Variants in C4orf50 observed in about 807,000 individuals in gnomAD.
C4orf50 encodes chromosome 4 open reading frame 50.
Under a neutral mutation model 77.2 loss-of-function variants are expected in C4orf50, and 80 were observed. The observed-to-expected ratio is 1.04, with a 90% confidence interval of 0.87 to 1.25. C4orf50 has a LOEUF of 1.25. C4orf50 is among the 50% of genes most tolerant of loss of function. The pLI is 0.00. For missense variants in C4orf50, 1,257 were observed against 1,152.9 expected, an observed-to-expected ratio of 1.09 and a Z score of -1.31; for synonymous variants, 532 against 465.3, an observed-to-expected ratio of 1.14 and a Z score of -1.84.
At chr4:5,911,848 C>G (rs1319190187) in intron 7 of C4orf50, among the ~76,000 whole-genome samples, 1 of 152,164 alleles carries the variant, frequency 6.6e-6, no homozygotes, top group Non-Finnish European at 1.5e-5. Flanking sequence ...GAGATCGAGA[C>G]CATCCTGGCC....
chr4:5,926,670 C>G (rs1189113277), intron 7 of C4orf50, among the ~76,000 whole-genome samples: 2 of 151,906 alleles, frequency 1.3e-5, no homozygotes, highest in Admixed American at 6.6e-5. Flanking sequence ...CCTGTGTCCC[C>G]GGGCCCACAG....
chr4:6,009,626 G>A lies in C4orf50; in HGVS notation c.427-1094C>T, dbSNP rs1280903754. On this transcript the variant is annotated intron_variant, in intron 24 of 33. Transcript: ENST00000531445. This position sits in a 1 kb window ranked among gnomAD's most constrained non-coding sequence, Gnocchi z 5.6. ...GCCTTTGACAGCTTTCAGAATGACCGCAGGTCACTACAGAAACGAGGCATC... is the reference window on the plus strand; with the variant it reads ...GCCTTTGACAGCTTTCAGAATGACCACAGGTCACTACAGAAACGAGGCATC... Among the ~76,000 whole-genome samples the A allele has an allele frequency of 5.3e-5, 8 of 152,292 alleles. No individual in the cohort carries two copies. The South Asian group carries it at 8.3e-4, about 16-fold the overall frequency.
Position 6,004,305 on chromosome 4 carries a change from TGGTGATGATGTGATCGTAATG to T in C4orf50, c.963+3670_963+3690del, listed in dbSNP as rs1472230294. On this transcript the variant is annotated intron_variant, in intron 25 of 33. Transcript: ENST00000531445. ...GTGATGTTGGTGATGATGGTGATGG[TGGTGATGATGTGATCGTAATG>T]GTGATGATGGTGATGGTGATGATGA... 1.2e-3 allele frequency among the ~76,000 whole-genome samples: 78 copies of T among 63,028 alleles called. 6 individuals carry two copies. The highest frequency in any genetic ancestry group is 5.5e-3 in the South Asian group (6 of 1,100). The allele number at this position is 63,028 out of a possible 152,430, so 41.3% of individuals were successfully genotyped here.
chr4:5,945,995 A>G (rs574756950), intron 7 of C4orf50, among the ~76,000 whole-genome samples: 3 of 152,282 alleles, frequency 2.0e-5, no homozygotes, highest in African/African-American at 7.2e-5. Flanking sequence ...AAGGGAGGAG[A>G]GAAGGCTCTA....
chr4:5,909,338 C>T (rs115852487), intron 7 of C4orf50, among the ~76,000 whole-genome samples: 1 of 152,252 alleles, frequency 6.6e-6, no homozygotes, highest in Non-Finnish European at 1.5e-5. Context: ...AGATATTTTG[C>T]CCATTTTAAA....
chr4:6,014,290 C>T (rs1165141070), intron 23 of C4orf50, among the ~76,000 whole-genome samples: 1 of 152,144 alleles, frequency 6.6e-6, no homozygotes, highest in African/African-American at 2.4e-5. Context: ...ACGCGAGCAA[C>T]CGGGCCGGCC....
chr4:5,994,000 C>T (rs1721438421), intron 26 of C4orf50, among the ~76,000 whole-genome samples: 1 of 152,180 alleles, frequency 6.6e-6, no homozygotes, highest in African/African-American at 2.4e-5. Flanking sequence ...GACAGGACGG[C>T]TCCTGGCCAT....
Position 5,901,503 on chromosome 4 carries a change from G to A in C4orf50, c.*2475-3315C>T, listed in dbSNP as rs2152479683. On this transcript the variant is annotated intron_variant, in intron 7 of 7. Coordinates refer to the C4orf50 transcript ENST00000324058. The surrounding 1 kb of genome is among the most constrained non-coding windows in gnomAD (Gnocchi z 4.4). ...CCCTAACCTGTTTCTCCTACATCGG[G>A]TGGTCTCTGTCATCTCTCTAGAAGA... 6.6e-6 allele frequency: 1 copy of A among 152,338 alleles called. No homozygotes were observed. Among genetic ancestry groups the A allele is most frequent in the Non-Finnish European group, 1.5e-5 (1 of 68,036 alleles). 9.4% of individuals were successfully genotyped at this position (152,338 alleles called of 1,614,324 possible).
At chr4:5,991,427 G>A (rs1721290054) in intron 27 of C4orf50, among the ~76,000 whole-genome samples, 1 of 152,210 alleles carries the variant, frequency 6.6e-6, no homozygotes, top group Admixed American at 6.5e-5. Context: ...CTGAGGACAG[G>A]ACTTCATCTT....
chr4:5,979,064 G>A (rs936248595), intron 29 of C4orf50, among the ~76,000 whole-genome samples: 4 of 152,176 alleles, frequency 2.6e-5, no homozygotes, highest in East Asian at 3.8e-4. Context: ...TCAGGATAAC[G>A]AGTTATGGGC....
chr4:5,966,322 A>G (rs1408538127), intron 32 of C4orf50, among the ~76,000 whole-genome samples: 1 of 152,022 alleles, frequency 6.6e-6, no homozygotes, highest in Admixed American at 6.5e-5. Flanking sequence ...CAAAAATACA[A>G]AAATTAGCCA....
At position 6,007,984 on chromosome 4, in the gene C4orf50, C is replaced by G. The variant is rs1387283677; in HGVS notation, c.963+12G>C. ...CAAAAGATCATTCCTACCCTGAGTT[C>G]CCGCCACTTACCAGGCTGCAGTGAC... On this transcript the variant is annotated intron_variant, in intron 25 of 33. Coordinates refer to ENST00000531445, the Ensembl canonical transcript of C4orf50. The surrounding 1 kb of genome is among the most constrained non-coding windows in gnomAD (Gnocchi z 4.1). 2 of 399,104 alleles carry G rather than the reference C, an allele frequency of 5.0e-6. No individual in the cohort carries two copies. The highest frequency in any genetic ancestry group is 4.1e-5 in the African/African-American group (2 of 48,768). The allele number at this position is 399,104 out of a possible 1,614,324, so 24.7% of individuals were successfully genotyped here.
chr4:6,000,691 A>C lies in C4orf50; in HGVS notation c.964-6215T>G, dbSNP rs1411523080. 1.3e-5 allele frequency among the ~76,000 whole-genome samples: 2 copies of C among 152,082 alleles called. No homozygotes were observed. Among genetic ancestry groups the C allele is most frequent in the Non-Finnish European group, 2.9e-5 (2 of 68,034 alleles). On this transcript the variant is annotated intron_variant, in intron 25 of 33. Transcript: ENST00000531445. The surrounding 1 kb of genome is among the most constrained non-coding windows in gnomAD (Gnocchi z 6.0). The stretch of plus-strand genomic sequence containing the variant: ...GGGGCAGGGTCTTGTCTCACTCCCC[A>C]GCCCCTGTACTGAGCTCAGACTGGA...
rs1716671980 is a variant in C4orf50 at position 5,908,951 on chromosome 4, A to C, written c.*2475-10763T>G. Reference sequence around the variant, plus strand: ...CACTCCCCTGAATGGCCATTGTCCCAGCCCAGTCCATGACTGCCTCTTAGC... The same window carrying C: ...CACTCCCCTGAATGGCCATTGTCCCCGCCCAGTCCATGACTGCCTCTTAGC... On this transcript the variant is annotated intron_variant, in intron 7 of 7. Transcript: ENST00000324058. The surrounding 1 kb of genome is among the most constrained non-coding windows in gnomAD (Gnocchi z 5.6). Among the ~76,000 whole-genome samples the C allele has an allele frequency of 6.6e-6, 1 of 152,208 alleles. No homozygotes were observed. Among genetic ancestry groups the C allele is most frequent in the Non-Finnish European group, 1.5e-5 (1 of 68,028 alleles).
intron 32 of C4orf50, among the ~76,000 whole-genome samples, chr4:5,966,045 G>A (rs574670163): frequency 7.2e-5 from 11 of 152,318 alleles, no homozygotes; most frequent in Admixed American, 3.3e-4. Context: ...CCGCCCCCAC[G>A]CTGAGGGTAG....
intron 25 of C4orf50, among the ~76,000 whole-genome samples, chr4:6,003,897 T>C (rs774602457): frequency 0.21 from 14,293 of 67,978 alleles, 2,155 homozygotes; most frequent in Admixed American, 0.25. Context: ...ATGGTGATGA[T>C]GTGATGGTGA....
chr4:5,958,915 AC>A lies in C4orf50; in HGVS notation c.*459del, dbSNP rs1719115679. 6.1e-6 allele frequency: 1 copy of A among 163,136 alleles called. No homozygotes were observed. Among genetic ancestry groups the A allele is most frequent in the African/African-American group, 2.4e-5 (1 of 41,730 alleles). The allele number at this position is 163,136 out of a possible 1,614,324, so 10.1% of individuals were successfully genotyped here. ...TCCGTCCTGGACTCTCGACCTCAGC[AC>A]TGGCGACCCTCGGGCTGTAATTCTT... On this transcript the variant is annotated 3_prime_UTR_variant, in exon 34 of 34. Coordinates refer to ENST00000531445, the Ensembl canonical transcript of C4orf50. This position sits in a 1 kb window ranked among gnomAD's most constrained non-coding sequence, Gnocchi z 5.4.
At chr4:5,914,126 T>C (rs191721143) in intron 7 of C4orf50, among the ~76,000 whole-genome samples, 18 of 152,156 alleles carry the variant, frequency 1.2e-4, no homozygotes, top group African/African-American at 4.3e-4. Context: ...ATTATGAATA[T>C]TGTATGGAAA....
exon 34 of C4orf50, chr4:5,959,612 C>G: frequency 6.2e-7 from 1 of 1,613,298 alleles, no homozygotes; most frequent in Non-Finnish European, 8.5e-7. Context: ...GCGTGGACAC[C>G]AAGGACAGAG....
Sources: gnomAD v4.1 joint callset for allele counts (sites outside exome capture counted in the v4.1 genomes callset) on GRCh38, gnomAD v4.1.1 for gene constraint, Gnocchi (gnomAD v3.1) non-coding constraint, MANE v1.5 for transcripts, NCBI Gene and HGNC (gene_info 2026-07-23, HGNC 2026-07-21) for gene names.